Variants in GOLM1 observed in about 807,000 individuals in gnomAD.
GOLM1 encodes golgi membrane protein 1, also known as epididymis luminal protein 46.
In GOLM1, 31 loss-of-function variants were observed where a neutral mutation model predicts 50.5. The observed-to-expected ratio is 0.61, with a 90% confidence interval of 0.46 to 0.83. The LOEUF (loss-of-function observed/expected upper bound fraction) is 0.83. Ranked by LOEUF, GOLM1 falls within the 40% of genes least tolerant of loss-of-function variation. The probability of loss-of-function intolerance (pLI) is 0.00; values close to 1 mark genes in which losing one functional copy is unlikely to be tolerated. For synonymous variants in GOLM1, 178 were observed against 192.8 expected, an observed-to-expected ratio of 0.92 and a Z score of 0.64; for missense variants, 491 against 501.3, an observed-to-expected ratio of 0.98 and a Z score of 0.20.
chr9:86,047,576 C>T lies in GOLM1; in HGVS notation c.365-1004G>A, dbSNP rs566318513. On this transcript the variant is annotated intron_variant, in intron 4 of 9. Transcript: ENST00000388712. ...AGGGCATGGGTGGGGGGTCCTGGAGCGGTGGGCAGCTGCCATGTTGACTGC... is the reference window on the plus strand; with the variant it reads ...AGGGCATGGGTGGGGGGTCCTGGAGTGGTGGGCAGCTGCCATGTTGACTGC... Among the ~76,000 whole-genome samples, 48 of 152,142 alleles carry T rather than the reference C, an allele frequency of 3.2e-4. No homozygotes were observed. The South Asian group carries it at 7.7e-3, about 24-fold the overall frequency.
chr9:86,089,513 C>A (rs909725476), intron 1 of GOLM1, among the ~76,000 whole-genome samples: 13 of 152,006 alleles, frequency 8.6e-5, no homozygotes, highest in African/African-American at 3.1e-4. Flanking sequence ...AGTTGATCTT[C>A]GACCTCTGAT....
At chr9:86,078,418 C>T (rs1338265088) in intron 2 of GOLM1, among the ~76,000 whole-genome samples, 2 of 152,032 alleles carry the variant, frequency 1.3e-5, no homozygotes, top group African/African-American at 4.8e-5. Context: ...GGAAATCGCC[C>T]CCAGAGTAGG....
chr9:86,039,226 T>C (rs1833249961), intron 6 of GOLM1, among the ~76,000 whole-genome samples: 1 of 152,148 alleles, frequency 6.6e-6, no homozygotes, highest in South Asian at 2.1e-4. Context: ...ATCACAGTTA[T>C]TAGGGAAATG....
Position 86,027,552 on chromosome 9 carries a change from CCA to C in GOLM1, c.*263_*264del. The C allele has an allele frequency of 8.0e-7, 1 of 1,249,860 alleles. No individual in the cohort carries two copies. The highest frequency in any genetic ancestry group is 1.6e-5 in the African/African-American group (1 of 64,096). 77.4% of individuals were successfully genotyped at this position (1,249,860 alleles called of 1,614,324 possible). A position where few individuals can be genotyped will look rare whatever the true frequency, so the allele number is the denominator to read the frequency against. ...CCAACACTTGAAGGAGAACTATGTT[CCA>C]GTTTTGGTGTTGAACTTCTCACGAA... On this transcript the variant is annotated 3_prime_UTR_variant, in exon 10 of 10. Coordinates refer to ENST00000388712, the MANE Select transcript of GOLM1 (RefSeq NM_016548.4).
chr9:86,028,533 T>G (rs1832859513), intron 9 of GOLM1, among the ~76,000 whole-genome samples: 1 of 152,190 alleles, frequency 6.6e-6, no homozygotes, highest in African/African-American at 2.4e-5. Flanking sequence ...ATGATCTGAT[T>G]TTTTCAGTAC....
At chr9:86,090,948 T>C (rs1835166424) in intron 1 of GOLM1, among the ~76,000 whole-genome samples, 1 of 152,174 alleles carries the variant, frequency 6.6e-6, no homozygotes, top group Non-Finnish European at 1.5e-5. Context: ...AAGCGTAGTA[T>C]CTGGGCCAGA....
At chr9:86,031,925 CAAAAAAAAAAAAAA>C (rs1043805404) in intron 9 of GOLM1, among the ~76,000 whole-genome samples, 6 of 36,052 alleles carry the variant, frequency 1.7e-4, no homozygotes, top group African/African-American at 4.0e-4. Flanking sequence ...GACTCCATCT[CAAAAAAAAAAAAAA>C]AAAAAAAAAA....
intron 6 of GOLM1, among the ~76,000 whole-genome samples, chr9:86,039,048 T>C (rs551950038): frequency 6.6e-6 from 1 of 152,224 alleles, no homozygotes; most frequent in East Asian, 1.9e-4. Flanking sequence ...AAATCATATA[T>C]CCATTATCAT....
chr9:86,041,845 G>A (rs376642971), intron 5 of GOLM1, among the ~76,000 whole-genome samples: 37 of 152,264 alleles, frequency 2.4e-4, no homozygotes, highest in African/African-American at 7.0e-4. Context: ...GGGGCCAGGC[G>A]CAGTGGCTCA....
chr9:86,042,318 G>C (rs910342450), intron 5 of GOLM1, among the ~76,000 whole-genome samples: 1 of 152,206 alleles, frequency 6.6e-6, no homozygotes, highest in African/African-American at 2.4e-5. Flanking sequence ...GGGTCAGAGG[G>C]AGGTGGAAAC....
intron 3 of GOLM1, among the ~76,000 whole-genome samples, chr9:86,062,481 CG>C (rs1307555732): frequency 2.4e-5 from 3 of 125,098 alleles, no homozygotes; most frequent in Non-Finnish European, 5.0e-5. Context: ...GAAGGGAGGA[CG>C]GGGGAGGAGG....
rs559502173 is a variant in GOLM1, at chr9:86,056,784, A to G, written c.310-4193T>C. 1.3e-4 allele frequency among the ~76,000 whole-genome samples: 20 copies of G among 152,052 alleles called. No homozygotes were observed. In the East Asian group the frequency reaches 1.9e-3, roughly 15 times the overall value. The stretch of plus-strand genomic sequence containing the variant: ...CTCTCAAAGTGCTGGGATTACAGGC[A>G]TGAGGCACTGCACCCAGCCAAAAAA... On this transcript the variant is annotated intron_variant, in intron 3 of 9. Coordinates refer to ENST00000388712, the MANE Select transcript of GOLM1 (RefSeq NM_016548.4).
intron 5 of GOLM1, among the ~76,000 whole-genome samples, chr9:86,046,051 G>GA (rs1587705471): frequency 6.6e-6 from 1 of 152,254 alleles, no homozygotes; most frequent in East Asian, 1.9e-4. Flanking sequence ...TAAAAATTGG[G>GA]AAAATCACTG....
At chr9:86,092,128 G>C (rs183970751) in intron 1 of GOLM1, among the ~76,000 whole-genome samples, 2 of 152,214 alleles carry the variant, frequency 1.3e-5, no homozygotes, top group African/African-American at 4.8e-5. Flanking sequence ...CACAGGACCT[G>C]TCTGTGCATC....
chr9:86,068,376 C>G (rs1230642869), intron 3 of GOLM1, among the ~76,000 whole-genome samples: 2 of 152,200 alleles, frequency 1.3e-5, no homozygotes, highest in African/African-American at 4.8e-5. Flanking sequence ...GTACGCAGCC[C>G]TAGGACCCAA....
intron 4 of GOLM1, among the ~76,000 whole-genome samples, chr9:86,047,280 GGCA>G (rs1228158994): frequency 1.4e-4 from 22 of 152,238 alleles, no homozygotes; most frequent in Admixed American, 1.2e-3. Flanking sequence ...CACAGTGGGC[GGCA>G]GCAGCAGCCA....
chr9:86,085,926 G>A (rs375499742), intron 1 of GOLM1, among the ~76,000 whole-genome samples: 42 of 152,234 alleles, frequency 2.8e-4, no homozygotes, highest in Middle Eastern at 3.4e-3. Context: ...GAACAGTGCC[G>A]CAATAAACAT....
chr9:86,058,204 G>A (rs556445846), intron 3 of GOLM1, among the ~76,000 whole-genome samples: 13 of 152,292 alleles, frequency 8.5e-5, no homozygotes, highest in South Asian at 2.1e-4. Flanking sequence ...GAAATAAAAT[G>A]TCAGTTGTAC....
chr9:86,063,397 G>A (rs909619339), intron 3 of GOLM1, among the ~76,000 whole-genome samples: 3 of 152,160 alleles, frequency 2.0e-5, no homozygotes, highest in Admixed American at 1.3e-4. Context: ...TCCCACCTGC[G>A]GAAGAGGAGA....
Sources: gnomAD v4.1 joint callset for allele counts (sites outside exome capture counted in the v4.1 genomes callset) on GRCh38, gnomAD v4.1.1 for gene constraint, MANE v1.5 for transcripts, NCBI Gene and HGNC (gene_info 2026-07-23, HGNC 2026-07-21) for gene names.